The following RAN variants were observed in gnomAD, a reference collection of about 807,000 sequenced individuals.
RAN encodes GTP-binding nuclear protein Ran.
A neutral mutation model predicts 26.8 loss-of-function variants in RAN; 2 were observed. The ratio of observed to expected loss-of-function variants is 0.07; its 90% CI spans 0.03 to 0.23. The LOEUF is 0.23. RAN is among the 10% of genes least tolerant of loss of function. The probability of loss-of-function intolerance (pLI) is 1.00; values close to 1 mark genes in which losing one functional copy is unlikely to be tolerated. For missense variants in RAN, 56 were observed against 264.8 expected, an observed-to-expected ratio of 0.21 and a Z score of 5.47; for synonymous variants, 132 against 95.9, an observed-to-expected ratio of 1.38 and a Z score of -2.20.
intron 4 of RAN, chr12:130,873,984 A>C: frequency 2.6e-6 from 1 of 381,980 alleles, no homozygotes; most frequent in South Asian, 1.8e-5. Context: ...AGTAGCTTGG[A>C]CTATAGGCAC....
chr12:130,873,405 C>G (rs898019681), intron 4 of RAN: 5 of 349,378 alleles, frequency 1.4e-5, no homozygotes, highest in Non-Finnish European at 2.2e-5. Flanking sequence ...AGGCTGTTAA[C>G]AGCAGTTTCA....
intron 5 of RAN, 138 bp from the exon 6 acceptor site, chr12:130,875,474 C>T: frequency 1.3e-6 from 1 of 794,382 alleles, no homozygotes; most frequent in Non-Finnish European, 1.9e-6. Context: ...ACCTCAGCCC[C>T]CGAAAGTGCT....
rs1029490390 is a variant in RAN at position 130,877,381 on chromosome 12, A to G, written c.*1455A>G. ...AACAGTTGAGTTTCTTAAGATCTGA[A>G]TTGCTGTGTATGTTACGCTGTATTC... is the stretch of plus-strand genomic sequence containing the variant. On this transcript the variant is annotated 3_prime_UTR_variant, in exon 7 of 7. Coordinates refer to ENST00000543796, the MANE Select transcript of RAN (RefSeq NM_006325.5). 3 of 152,226 alleles carry G rather than the reference A, an allele frequency of 2.0e-5. No homozygotes were observed. The highest frequency in any genetic ancestry group is 4.4e-5 in the Non-Finnish European group (3 of 68,048). The allele number at this position is 152,226 out of a possible 1,614,324, so 9.4% of individuals were successfully genotyped here. A position where few individuals can be genotyped will look rare whatever the true frequency, so the allele number is the denominator to read the frequency against.
At chr12:130,875,475 C>G (rs901425652) in intron 5 of RAN, 137 bp from the exon 6 acceptor site, 13 of 808,858 alleles carry the variant, frequency 1.6e-5, no homozygotes, top group Non-Finnish European at 2.5e-5. Context: ...CCTCAGCCCC[C>G]GAAAGTGCTG....
chr12:130,873,139 G>A lies in RAN; in HGVS notation c.247+11G>A. The A allele has an allele frequency of 6.2e-7, 1 of 1,614,134 alleles. No homozygotes were observed. The highest frequency in any genetic ancestry group is 1.6e-4 in the Middle Eastern group (1 of 6,062). On this transcript the variant is annotated intron_variant, in intron 4 of 6. Transcript: ENST00000543796. ...GCTATTATATCCAAGGTAGGCATTT[G>A]TAACTTGCTGAACGGTTTTTGAGAG...
Position 130,875,605 on chromosome 12 carries a change from T to C in RAN, c.436-7T>C, listed in dbSNP as rs927093267. Reference sequence around the variant, plus strand: ...TTAAAAAGTAATTTTACCTTTCTTTTAAACAGTACTACGACATTTCTGCCA... The same window carrying C: ...TTAAAAAGTAATTTTACCTTTCTTTCAAACAGTACTACGACATTTCTGCCA... On this transcript the variant is annotated splice_polypyrimidine_tract_variant and splice_region_variant and intron_variant, in intron 5 of 6. Coordinates refer to ENST00000543796, the MANE Select transcript of RAN (RefSeq NM_006325.5). 44 of 1,564,426 alleles carry C rather than the reference T, an allele frequency of 2.8e-5. No individual in the cohort carries two copies. The East Asian group carries it at 9.7e-4, about 34-fold the overall frequency.
intron 2 of RAN, 84 bp downstream of exon 2, chr12:130,872,713 T>TTTA: frequency 6.4e-7 from 1 of 1,555,674 alleles, no homozygotes; most frequent in Non-Finnish European, 8.7e-7. Flanking sequence ...ACGATGGCTG[T>TTTA]AATGGGGCCC....
chr12:130,874,227 A>G, intron 4 of RAN: 1 of 278,082 alleles, frequency 3.6e-6, no homozygotes, highest in Non-Finnish European at 6.9e-6. Context: ...ATGTGTTTCC[A>G]GGCCCTACCC....
rs576384961 is a variant in RAN at position 130,875,998 on chromosome 12, G to A, written c.*72G>A. 1.2e-4 allele frequency: 176 copies of A among 1,473,582 alleles called. 4 individuals carry two copies. In the South Asian group the frequency reaches 1.6e-3, roughly 14 times the overall value. 91.3% of individuals were successfully genotyped at this position (1,473,582 alleles called of 1,614,324 possible). Reference sequence around the variant, plus strand: ...TGTCCTGTGATGTCAGCGGTGCAGCGTGTGTGCCACCTCATTATTATCTAG... The same window carrying A: ...TGTCCTGTGATGTCAGCGGTGCAGCATGTGTGCCACCTCATTATTATCTAG... On this transcript the variant is annotated 3_prime_UTR_variant, in exon 7 of 7. Transcript: ENST00000543796.
chr12:130,874,789 A>G, intron 5 of RAN, 56 bp downstream of exon 5: 2 of 1,406,806 alleles, frequency 1.4e-6, no homozygotes, highest in South Asian at 1.3e-5. Context: ...TATATGTAAG[A>G]CCATGAAATT....
At chr12:130,874,894 C>T (rs567171935) in intron 5 of RAN, among the ~76,000 whole-genome samples, 161 bp downstream of exon 5, 2 of 152,252 alleles carry the variant, frequency 1.3e-5, no homozygotes, top group African/African-American at 2.4e-5. Context: ...GCAATCTTGG[C>T]TCACTGCGAC....
chr12:130,872,104 G>C lies in RAN; in HGVS notation c.-33G>C, dbSNP rs1487403880. The C allele has an allele frequency of 3.2e-6, 1 of 314,796 alleles. No homozygotes were observed. Among genetic ancestry groups the C allele is most frequent in the Non-Finnish European group, 6.8e-6 (1 of 147,588 alleles). The allele number at this position is 314,796 out of a possible 1,614,324, so 19.5% of individuals were successfully genotyped here. On this transcript the variant is annotated 5_prime_UTR_variant, in exon 1 of 7. Coordinates refer to ENST00000543796, the MANE Select transcript of RAN (RefSeq NM_006325.5). ...GCCATCTTTCCAGCCTCAGTCGGAC[G>C]GGCGCGGAGACGCTTCTGGAAGGTA...
intron 5 of RAN, 131 bp downstream of exon 5, chr12:130,874,864 C>T: frequency 1.2e-6 from 1 of 819,914 alleles, no homozygotes. Context: ...CCTCTGTCCC[C>T]CATGCTGGAG....
intron 6 of RAN, 29 bp from the exon 7 acceptor site, chr12:130,875,853 T>C (rs1326032125): frequency 6.2e-6 from 10 of 1,614,042 alleles, no homozygotes; most frequent in South Asian, 1.1e-5. Context: ...TGATCTGGAG[T>C]GTTAACGTTT....
rs1390177908 is a variant in RAN at position 130,877,387 on chromosome 12, G to C, written c.*1461G>C. The C allele has an allele frequency of 6.6e-6, 1 of 152,232 alleles. No individual in the cohort carries two copies. The highest frequency in any genetic ancestry group is 1.5e-5 in the Non-Finnish European group (1 of 68,040). The allele number at this position is 152,232 out of a possible 1,614,324, so 9.4% of individuals were successfully genotyped here. On this transcript the variant is annotated 3_prime_UTR_variant, in exon 7 of 7. Coordinates refer to ENST00000543796, the MANE Select transcript of RAN (RefSeq NM_006325.5). ...TGAGTTTCTTAAGATCTGAATTGCT[G>C]TGTATGTTACGCTGTATTCAGAACC...
At position 130,873,052 on chromosome 12, in the gene RAN, A is replaced by G; in HGVS notation, c.171A>G (p.Gly57=). 1 of 1,614,144 alleles carries G rather than the reference A, an allele frequency of 6.2e-7. No homozygotes were observed. The highest frequency in any genetic ancestry group is 1.1e-5 in the South Asian group (1 of 91,088). Residue 57 remains glycine, a synonymous_variant, in exon 4 of 7, where the codon GGA becomes GGG. Transcript: ENST00000543796. ...VHPLVFHTNR[G]PIKFNVWDTA... is the part of the protein sequence containing the mutation. ...CCCTAGTGTTCCACACCAACAGAGG[A>G]CCTATTAAGTTCAATGTATGGGACA...
At chr12:130,873,293 T>C in intron 4 of RAN, 165 bp downstream of exon 4, 1 of 864,072 alleles carries the variant, frequency 1.2e-6, no homozygotes, top group Non-Finnish European at 1.8e-6. Context: ...CAGAGAAAAT[T>C]TTATTAAAGT....
intron 4 of RAN, 97 bp downstream of exon 4, chr12:130,873,225 C>A: frequency 6.7e-7 from 1 of 1,499,414 alleles, no homozygotes. Flanking sequence ...CAAATAGTGT[C>A]ATTTTTGGGT....
In RAN at chr12:130,875,801, T is replaced by C. The variant is rs945320125; in HGVS notation, c.606+19T>C. ...CTTAGAGGTATTGTGGCCACTTTGC[T>C]GTTCAGATTGTTCGGTTTGGCTTGT... On this transcript the variant is annotated intron_variant, in intron 6 of 6. Coordinates refer to ENST00000543796, the MANE Select transcript of RAN (RefSeq NM_006325.5). 3.7e-6 allele frequency: 6 copies of C among 1,614,166 alleles called. No individual in the cohort carries two copies. In the East Asian group the frequency reaches 1.1e-4, roughly 30 times the overall value.
Sources: gnomAD v4.1 joint callset for allele counts (sites outside exome capture counted in the v4.1 genomes callset) on GRCh38, gnomAD v4.1.1 for gene constraint, MANE v1.5 for transcripts, NCBI Gene and HGNC (gene_info 2026-07-23, HGNC 2026-07-21) for gene names.